SORCS2: variants seen among roughly 807,000 people sequenced by gnomAD.
SORCS2 encodes sortilin related VPS10 domain containing receptor 2, also known as VPS10 domain-containing receptor SorCS2.
A neutral mutation model predicts 141.6 loss-of-function variants in SORCS2; 100 were observed. The observed-to-expected ratio is 0.71, with a 90% CI of 0.60 to 0.83. The LOEUF is 0.83. Among genes scored for constraint, SORCS2 ranks in the 40% least tolerant of loss-of-function variants. The probability of loss-of-function intolerance (pLI) is 0.00; values close to 1 mark genes in which losing one functional copy is unlikely to be tolerated. For missense variants in SORCS2, 1,646 were observed against 1,560.2 expected, an observed-to-expected ratio of 1.05 and a Z score of -0.93; for synonymous variants, 789 against 676.9, an observed-to-expected ratio of 1.17 and a Z score of -2.57.
chr4:7,518,077 A>G (rs1733099736), intron 2 of SORCS2, among the ~76,000 whole-genome samples: 2 of 152,224 alleles, frequency 1.3e-5, no homozygotes. Flanking sequence ...CCAGGGCTAG[A>G]CAGGAACAGA....
chr4:7,651,869 C>T (rs923416487), intron 4 of SORCS2, among the ~76,000 whole-genome samples: 1 of 152,184 alleles, frequency 6.6e-6, no homozygotes. Flanking sequence ...GCCGGGGACT[C>T]GGAAGGCACA....
chr4:7,568,196 G>T (rs1462492234), intron 3 of SORCS2, among the ~76,000 whole-genome samples: 1 of 152,158 alleles, frequency 6.6e-6, no homozygotes, highest in Non-Finnish European at 1.5e-5. Context: ...TCAGCTCACA[G>T]TGCCCTTCGT....
intron 4 of SORCS2, among the ~76,000 whole-genome samples, chr4:7,645,126 C>A (rs1171171769): frequency 1.3e-5 from 2 of 152,210 alleles, no homozygotes. Flanking sequence ...CAGGAACCCA[C>A]GGTGACGACT....
At chr4:7,626,983 T>C (rs1719553066) in intron 3 of SORCS2, among the ~76,000 whole-genome samples, 1 of 152,138 alleles carries the variant, frequency 6.6e-6, no homozygotes, top group African/African-American at 2.4e-5. Context: ...TATTCATTTA[T>C]TTTATTTTGT....
At chr4:7,624,341 G>A (rs761079229) in intron 3 of SORCS2, among the ~76,000 whole-genome samples, 5 of 152,156 alleles carry the variant, frequency 3.3e-5, no homozygotes, top group African/African-American at 4.8e-5. Flanking sequence ...CATGACCTTG[G>A]CCATTCAATG....
At chr4:7,513,300 C>A (rs928446760) in intron 2 of SORCS2, among the ~76,000 whole-genome samples, 2 of 152,332 alleles carry the variant, frequency 1.3e-5, no homozygotes, top group Non-Finnish European at 2.9e-5. Flanking sequence ...GCCACAGCCC[C>A]CTGGCTCACT....
At chr4:7,485,421 C>T (rs923883171) in intron 2 of SORCS2, among the ~76,000 whole-genome samples, 8 of 152,258 alleles carry the variant, frequency 5.3e-5, no homozygotes, top group African/African-American at 9.6e-5. Context: ...GCTGAGGCTA[C>T]TCCACCCACA....
chr4:7,680,185 G>C (rs1376416939), intron 9 of SORCS2, among the ~76,000 whole-genome samples: 1 of 152,210 alleles, frequency 6.6e-6, no homozygotes, highest in Non-Finnish European at 1.5e-5. Flanking sequence ...GCAGCCATTT[G>C]CTGGGTGTGC....
intron 2 of SORCS2, among the ~76,000 whole-genome samples, chr4:7,467,379 C>T (rs1416870961): frequency 6.6e-6 from 1 of 152,184 alleles, no homozygotes; most frequent in Non-Finnish European, 1.5e-5. Context: ...AGGAGCTCAC[C>T]CTGGGGCCTT....
intron 3 of SORCS2, among the ~76,000 whole-genome samples, chr4:7,617,384 A>G (rs1718837465): frequency 6.6e-6 from 1 of 152,118 alleles, no homozygotes; most frequent in East Asian, 1.9e-4. Context: ...CCACCCGTGC[A>G]TGCATACACC....
At position 7,676,191 on chromosome 4, in the gene SORCS2, C is replaced by T. The variant is rs763678557; in HGVS notation, c.1303C>T (p.Arg435Trp). 168 of 1,553,128 alleles carry T rather than the reference C, an allele frequency of 1.1e-4. No homozygotes were observed. Among genetic ancestry groups the T allele is most frequent in the Admixed American group, 3.7e-4 (19 of 51,162 alleles). ...ALVLQDVRSS[R>W]QAEESVLIDI... The stretch of plus-strand genomic sequence containing the variant: ...GGTGCTGCAGGACGTGCGCAGCTCA[C>T]GGCAGGCGGAGGAGAGCGTGCTCAT... Residue 435 changes from arginine (R) to tryptophan (W), a missense_variant, in exon 9 of 27, where the codon CGG becomes TGG. Transcript: ENST00000507866.
chr4:7,630,694 C>T (rs1719831870), intron 3 of SORCS2, among the ~76,000 whole-genome samples: 1 of 152,224 alleles, frequency 6.6e-6, no homozygotes, highest in Non-Finnish European at 1.5e-5. Context: ...TTGTGACTCA[C>T]ACAAGCTTGG....
At chr4:7,730,014 A>T (rs536332842) in intron 23 of SORCS2, among the ~76,000 whole-genome samples, 1 of 152,150 alleles carries the variant, frequency 6.6e-6, no homozygotes, top group Non-Finnish European at 1.5e-5. Flanking sequence ...CATGGCCCCA[A>T]CCTGACTGCC....
chr4:7,424,952 C>T (rs1427344680), intron 2 of SORCS2, among the ~76,000 whole-genome samples: 1 of 152,208 alleles, frequency 6.6e-6, no homozygotes, highest in Non-Finnish European at 1.5e-5. Flanking sequence ...GTGCTGTGCC[C>T]CGGAGGGCCG....
In SORCS2 at chr4:7,485,861, A is replaced by C. The variant is rs549449219; in HGVS notation, c.549-45669A>C. On this transcript the variant is annotated intron_variant, in intron 2 of 26. Coordinates refer to ENST00000507866, the MANE Select transcript of SORCS2 (RefSeq NM_020777.3). Reference sequence around the variant, plus strand: ...AAGGAACCTGGGAGAGAAAGGACTGAGTAGGGAGGCTCAGGGCGGGTAGAC... The same window carrying C: ...AAGGAACCTGGGAGAGAAAGGACTGCGTAGGGAGGCTCAGGGCGGGTAGAC... Among the ~76,000 whole-genome samples the C allele has an allele frequency of 2.0e-5, 3 of 152,222 alleles. No homozygotes were observed. The East Asian group carries it at 5.8e-4, about 30-fold the overall frequency.
chr4:7,730,693 A>G (rs953541577), intron 23 of SORCS2, among the ~76,000 whole-genome samples: 1 of 152,232 alleles, frequency 6.6e-6, no homozygotes, highest in Non-Finnish European at 1.5e-5. Flanking sequence ...AGGCAAATCC[A>G]TGGAGACAGA....
At chr4:7,719,109 T>G (rs546444053) in intron 18 of SORCS2, among the ~76,000 whole-genome samples, 4 of 152,240 alleles carry the variant, frequency 2.6e-5, no homozygotes, top group Non-Finnish European at 5.9e-5. Flanking sequence ...CCTGGACACT[T>G]GGCTCTCCGG....
At chr4:7,687,974 A>C (rs1220365022) in intron 10 of SORCS2, among the ~76,000 whole-genome samples, 1 of 152,210 alleles carries the variant, frequency 6.6e-6, no homozygotes. Flanking sequence ...ATCGTACAAC[A>C]TGTAATACAA....
intron 2 of SORCS2, among the ~76,000 whole-genome samples, chr4:7,441,480 G>T (rs549724496): frequency 6.6e-6 from 1 of 152,028 alleles, no homozygotes. Flanking sequence ...TGTGGGTGCC[G>T]AGGGCTGGGC....
Sources: gnomAD v4.1 joint callset for allele counts (sites outside exome capture counted in the v4.1 genomes callset) on GRCh38, gnomAD v4.1.1 for gene constraint, MANE v1.5 for transcripts, NCBI Gene and HGNC (gene_info 2026-07-23, HGNC 2026-07-21) for gene names.